DAG1: variants seen among roughly 807,000 people sequenced by gnomAD.
DAG1 encodes the protein dystroglycan 1, also known as dystroglycan 1 (dystrophin-associated glycoprotein 1).
In DAG1, 8 loss-of-function variants were observed where a neutral mutation model predicts 46.1. The ratio of observed to expected loss-of-function variants is 0.17; its 90% confidence interval spans 0.10 to 0.31. The LOEUF (loss-of-function observed/expected upper bound fraction) is 0.31. DAG1 is among the 10% of genes least tolerant of loss of function. The probability of loss-of-function intolerance (pLI) is 1.00; values close to 1 mark genes in which losing one functional copy is unlikely to be tolerated. For missense variants in DAG1, 1,003 were observed against 1,189.9 expected, an observed-to-expected ratio of 0.84 and a Z score of 2.31; for synonymous variants, 495 against 481.8, an observed-to-expected ratio of 1.03 and a Z score of -0.36.
intron 1 of DAG1, among the ~76,000 whole-genome samples, chr3:49,499,553 T>C (rs1266136551): frequency 2.0e-5 from 3 of 152,238 alleles, no homozygotes; most frequent in Non-Finnish European, 4.4e-5. Flanking sequence ...GTGGAAAGCA[T>C]TTATTAACTG....
intron 1 of DAG1, among the ~76,000 whole-genome samples, chr3:49,500,604 A>T (rs1425092239): frequency 6.6e-6 from 1 of 152,208 alleles, no homozygotes; most frequent in African/African-American, 2.4e-5. Flanking sequence ...GCCAGTGGTG[A>T]ATCCAGCTAA....
In DAG1 at chr3:49,510,686, A is replaced by T. The variant is rs2050739957; in HGVS notation, c.152A>T (p.His51Leu). 1 of 1,613,880 alleles carries T rather than the reference A, an allele frequency of 6.2e-7. No individual in the cohort carries two copies. Among genetic ancestry groups the T allele is most frequent in the Admixed American group, 1.7e-5 (1 of 59,986 alleles). ...DWENQLEASMHSVLSDLHEAV... is the reference protein window; with the variant it reads ...DWENQLEASMLSVLSDLHEAV... ...GAAAACCAGCTTGAGGCATCCATGC[A>T]CTCAGTGCTCTCAGACCTCCACGAG... Residue 51 changes from histidine to leucine, a missense_variant, in exon 2 of 3, where the codon CAC becomes CTC. His to Leu is a moderately conservative substitution (Grantham distance 99). This residue lies in a region of DAG1 where 196 missense variants were observed against 239.1 expected (regional missense o/e 0.82). Coordinates refer to ENST00000308775, the MANE Select transcript of DAG1 (RefSeq NM_004393.6).
At chr3:49,509,490 T>C (rs1211533888) in intron 1 of DAG1, among the ~76,000 whole-genome samples, 10 of 152,170 alleles carry the variant, frequency 6.6e-5, no homozygotes, top group Admixed American at 6.6e-4. Flanking sequence ...AGTCATCTTA[T>C]GTTTAGGGAT....
intron 2 of DAG1, among the ~76,000 whole-genome samples, chr3:49,528,312 T>G (rs1575407477): frequency 2.7e-5 from 3 of 110,228 alleles, no homozygotes; most frequent in African/African-American, 6.7e-5. Flanking sequence ...TGGGACAGAG[T>G]CTCACTCTGT....
In DAG1 at chr3:49,493,494, G is replaced by A. The variant is rs1273212535; in HGVS notation, c.-116-16925G>A. Among the ~76,000 whole-genome samples, 3 of 152,304 alleles carry A rather than the reference G, an allele frequency of 2.0e-5. No individual in the cohort carries two copies. The East Asian group carries it at 5.8e-4, about 29-fold the overall frequency. On this transcript the variant is annotated intron_variant, in intron 1 of 2. Coordinates refer to ENST00000308775, the MANE Select transcript of DAG1 (RefSeq NM_004393.6). ...GAGACAGAAGAAGCTGAGAGCAAGG[G>A]CATCTTTAAGGATTTCTTCAGTCTT...
chr3:49,505,702 G>A (rs558451309), intron 1 of DAG1, among the ~76,000 whole-genome samples: 4 of 151,392 alleles, frequency 2.6e-5, no homozygotes, highest in South Asian at 4.2e-4. Context: ...ACGGAGTTTC[G>A]CTCTTGTTGC....
chr3:49,504,252 A>G (rs994772649), intron 1 of DAG1, among the ~76,000 whole-genome samples: 2 of 135,224 alleles, frequency 1.5e-5, no homozygotes, highest in African/African-American at 5.1e-5. Flanking sequence ...ATAGTATGTA[A>G]CCTTTTGGGG....
At chr3:49,479,208 C>T (rs1248585408) in intron 1 of DAG1, among the ~76,000 whole-genome samples, 2 of 152,130 alleles carry the variant, frequency 1.3e-5, no homozygotes, top group African/African-American at 4.8e-5. Context: ...TCTATCCCCT[C>T]AGCCTGTTGT....
intron 1 of DAG1, among the ~76,000 whole-genome samples, chr3:49,506,491 A>G (rs1231059994): frequency 6.6e-6 from 1 of 152,026 alleles, no homozygotes; most frequent in African/African-American, 2.4e-5. Context: ...TTTGTCTGAG[A>G]GTTTTTTTAT....
At chr3:49,492,215 G>C (rs1358453894) in intron 1 of DAG1, among the ~76,000 whole-genome samples, 1 of 151,970 alleles carries the variant, frequency 6.6e-6, no homozygotes, top group African/African-American at 2.4e-5. Context: ...GTGAGCCACC[G>C]TACCCCGCCT....
rs200871775 is a variant in DAG1, at chr3:49,530,804, C to T, written c.293C>T (p.Ala98Val). The change falls in exon 3 of 3, where the codon GCG becomes GTG. Residue 98 changes from alanine to valine, a missense_variant. Physicochemically the swap from Ala to Val is moderately conservative, Grantham distance 64. Transcript: ENST00000308775. ...TGCTTGTGTCTCTTCTAGGTATCAGCGGCAGGGAAGGAGGCTTTGCCATCT... is the reference window on the plus strand; with the variant it reads ...TGCTTGTGTCTCTTCTAGGTATCAGTGGCAGGGAAGGAGGCTTTGCCATCT... ...ASSGDIIKVSAAGKEALPSWL... is the reference protein window; with the variant it reads ...ASSGDIIKVSVAGKEALPSWL... 55 of 1,614,210 alleles carry T rather than the reference C, an allele frequency of 3.4e-5. No individual in the cohort carries two copies. Among genetic ancestry groups the T allele is most frequent in the South Asian group, 2.9e-4 (26 of 91,082 alleles).
intron 2 of DAG1, among the ~76,000 whole-genome samples, chr3:49,518,868 C>T (rs1457261206): frequency 6.6e-6 from 1 of 152,246 alleles, no homozygotes; most frequent in Non-Finnish European, 1.5e-5. Flanking sequence ...TGTCTCCTCT[C>T]TTGTGGCCTT....
At chr3:49,474,801 A>C (rs540217850) in intron 1 of DAG1, among the ~76,000 whole-genome samples, 3 of 141,780 alleles carry the variant, frequency 2.1e-5, no homozygotes, top group South Asian at 4.6e-4. Context: ...AAAATTAATT[A>C]ATTAATTAGT....
At chr3:49,521,144 G>T (rs879396613) in intron 2 of DAG1, among the ~76,000 whole-genome samples, 24 of 151,554 alleles carry the variant, frequency 1.6e-4, no homozygotes, top group Non-Finnish European at 3.4e-4. Context: ...GTTTTTTTTT[G>T]TTTTGTTTTT....
intron 2 of DAG1, among the ~76,000 whole-genome samples, chr3:49,512,113 C>T (rs761201911): frequency 6.6e-6 from 1 of 152,014 alleles, no homozygotes; most frequent in Non-Finnish European, 1.5e-5. Flanking sequence ...CTCTCTGCAG[C>T]CTTAACCTCC....
intron 1 of DAG1, among the ~76,000 whole-genome samples, chr3:49,479,312 ATT>A (rs35759587): frequency 3.5e-5 from 5 of 142,530 alleles, no homozygotes; most frequent in Admixed American, 7.1e-5. Context: ...TTGAGTATAG[ATT>A]TTTTTTTTTT....
In DAG1 at chr3:49,535,536, T is replaced by A. The variant is rs2051487885; in HGVS notation, c.*2337T>A. 3 of 152,678 alleles carry A rather than the reference T, an allele frequency of 2.0e-5. No individual in the cohort carries two copies. The highest frequency in any genetic ancestry group is 7.2e-5 in the African/African-American group (3 of 41,474). The allele number at this position is 152,678 out of a possible 1,614,324, so 9.5% of individuals were successfully genotyped here. On this transcript the variant is annotated 3_prime_UTR_variant, in exon 3 of 3. Transcript: ENST00000308775. Reference sequence around the variant, plus strand: ...AACCACTGATGTGTTTTTATTTCCTTCTATATGATTTTAAGATGTGTTTTC... The same window carrying A: ...AACCACTGATGTGTTTTTATTTCCTACTATATGATTTTAAGATGTGTTTTC...
intron 1 of DAG1, among the ~76,000 whole-genome samples, chr3:49,481,486 T>C (rs1447990008): frequency 6.6e-6 from 1 of 152,170 alleles, no homozygotes; most frequent in Non-Finnish European, 1.5e-5. Flanking sequence ...TGTACTGATT[T>C]TTATTTTTAA....
chr3:49,491,471 C>T (rs1575358874), intron 1 of DAG1, among the ~76,000 whole-genome samples: 2 of 151,654 alleles, frequency 1.3e-5, no homozygotes, highest in East Asian at 3.9e-4. Flanking sequence ...CCACTATGTC[C>T]TGCTATTTTT....
Sources: gnomAD v4.1 joint callset for allele counts (sites outside exome capture counted in the v4.1 genomes callset) on GRCh38, gnomAD v4.1.1 for gene constraint, gnomAD v4.1.1 regional missense constraint, MANE v1.5 for transcripts, NCBI Gene and HGNC (gene_info 2026-07-23, HGNC 2026-07-21) for gene names.